FBXL17: variants seen among roughly 807,000 people sequenced by gnomAD.
FBXL17 encodes the protein F-box/LRR-repeat protein 17.
Under a neutral mutation model 66.2 loss-of-function variants are expected in FBXL17, and 22 were observed. That is an observed-to-expected ratio of 0.33 (90% CI 0.24 to 0.47). The LOEUF (loss-of-function observed/expected upper bound fraction) is 0.47. Ranked by LOEUF, FBXL17 falls within the 20% of genes least tolerant of loss-of-function variation. The pLI, the probability that FBXL17 is intolerant of heterozygous loss-of-function variation, is 1.00. For missense variants in FBXL17, 878 were observed against 948.2 expected, an observed-to-expected ratio of 0.93 and a Z score of 0.97; for synonymous variants, 474 against 400.5, an observed-to-expected ratio of 1.18 and a Z score of -2.19.
chr5:108,163,919 C>T (rs1032906258), intron 6 of FBXL17, among the ~76,000 whole-genome samples: 6 of 152,168 alleles, frequency 3.9e-5, no homozygotes, highest in East Asian at 1.9e-4. Context: ...GTTATCTTAA[C>T]GCAACATGCT....
intron 6 of FBXL17, among the ~76,000 whole-genome samples, chr5:108,160,239 T>G (rs1195136161): frequency 4.6e-5 from 7 of 152,180 alleles, no homozygotes; most frequent in Non-Finnish European, 1.0e-4. Context: ...AGGCTTTTAA[T>G]AGGGTAAGTG....
At chr5:108,276,135 C>A (rs533078780) in intron 4 of FBXL17, among the ~76,000 whole-genome samples, 2 of 152,258 alleles carry the variant, frequency 1.3e-5, no homozygotes, top group Admixed American at 1.3e-4. Flanking sequence ...AATTAATTAG[C>A]TGGATTTATT....
chr5:108,260,753 A>G (rs1423698581), intron 4 of FBXL17, among the ~76,000 whole-genome samples: 2 of 152,282 alleles, frequency 1.3e-5, no homozygotes, highest in South Asian at 2.1e-4. Flanking sequence ...GGCAATGGCC[A>G]CTAGATGGCA....
intron 7 of FBXL17, among the ~76,000 whole-genome samples, chr5:107,899,804 A>G (rs1413313074): frequency 6.6e-6 from 1 of 152,190 alleles, no homozygotes; most frequent in East Asian, 1.9e-4. Flanking sequence ...TTTAAAATTA[A>G]ATCCTGAGGA....
chr5:108,365,546 T>C (rs1013530262), intron 2 of FBXL17, among the ~76,000 whole-genome samples: 1 of 152,122 alleles, frequency 6.6e-6, no homozygotes, highest in Non-Finnish European at 1.5e-5. Flanking sequence ...CCCTGAGCTA[T>C]ATCTTTTATA....
chr5:108,242,315 A>G (rs1385121738), intron 4 of FBXL17, among the ~76,000 whole-genome samples: 1 of 152,016 alleles, frequency 6.6e-6, no homozygotes. Context: ...CCAAGCAGCT[A>G]GGACTAAAGG....
At chr5:108,053,410 A>G (rs1338891557) in intron 6 of FBXL17, among the ~76,000 whole-genome samples, 1 of 152,196 alleles carries the variant, frequency 6.6e-6, no homozygotes, top group Non-Finnish European at 1.5e-5. Context: ...TCTCAAAAGA[A>G]GACATTTACA....
At chr5:107,995,278 G>T (rs985822228) in intron 7 of FBXL17, among the ~76,000 whole-genome samples, 43 of 152,248 alleles carry the variant, frequency 2.8e-4, no homozygotes, top group African/African-American at 9.9e-4. Context: ...ATACAGAAAT[G>T]ATTCAATGTT....
intron 7 of FBXL17, among the ~76,000 whole-genome samples, chr5:107,970,097 T>C (rs1236595794): frequency 1.3e-5 from 2 of 152,216 alleles, no homozygotes; most frequent in Non-Finnish European, 2.9e-5. Context: ...TTGTATCATC[T>C]GGTGTGTGTT....
chr5:108,175,542 C>G (rs926758213), intron 6 of FBXL17, among the ~76,000 whole-genome samples: 4 of 152,128 alleles, frequency 2.6e-5, no homozygotes, highest in Non-Finnish European at 5.9e-5. Flanking sequence ...TAATTGTATA[C>G]TGTCTTAAAT....
chr5:107,937,789 G>A (rs1750962946), intron 7 of FBXL17, among the ~76,000 whole-genome samples: 1 of 152,050 alleles, frequency 6.6e-6, no homozygotes, highest in Non-Finnish European at 1.5e-5. Context: ...CCTCTCACTG[G>A]CAATATTGAG....
At chr5:108,371,941 C>T (rs1749066499) in intron 1 of FBXL17, among the ~76,000 whole-genome samples, 1 of 152,122 alleles carries the variant, frequency 6.6e-6, no homozygotes, top group Admixed American at 6.5e-5. Context: ...CAAATTTTTA[C>T]ACATCCCATC....
chr5:108,151,192 C>T (rs1249480142), intron 6 of FBXL17, among the ~76,000 whole-genome samples: 1 of 152,014 alleles, frequency 6.6e-6, no homozygotes, highest in South Asian at 2.1e-4. Context: ...TTCCAAAATA[C>T]TTGCTTCACG....
At chr5:108,019,133 A>G (rs1754491845) in intron 7 of FBXL17, among the ~76,000 whole-genome samples, 1 of 152,152 alleles carries the variant, frequency 6.6e-6, no homozygotes, top group Non-Finnish European at 1.5e-5. Flanking sequence ...AGCAGTGTAC[A>G]CTGTGCTACT....
intron 6 of FBXL17, among the ~76,000 whole-genome samples, chr5:108,098,731 C>T (rs1442283302): frequency 1.6e-5 from 2 of 126,414 alleles, no homozygotes; most frequent in Non-Finnish European, 3.1e-5. Flanking sequence ...GGCAACAGAG[C>T]GACACTCTGT....
Position 108,188,558 on chromosome 5 carries a change from G to A in FBXL17, c.1615-2311C>T, listed in dbSNP as rs185364263. On this transcript the variant is annotated intron_variant, in intron 5 of 8. Transcript: ENST00000542267. ...TTCCTATTCAATAACCACAGGTTAA[G>A]GGTTTTAGCAACATCAGAACATAAC... Among the ~76,000 whole-genome samples, 60 of 152,284 alleles carry A rather than the reference G, an allele frequency of 3.9e-4. 1 individual carries two copies. Among genetic ancestry groups the A allele is most frequent in the Middle Eastern group, 3.4e-3 (1 of 292 alleles).
intron 3 of FBXL17, among the ~76,000 whole-genome samples, chr5:108,350,717 C>T (rs1747590558): frequency 6.6e-6 from 1 of 152,164 alleles, no homozygotes; most frequent in African/African-American, 2.4e-5. Flanking sequence ...ACCCAGAATT[C>T]TGTACTCGGG....
intron 3 of FBXL17, among the ~76,000 whole-genome samples, chr5:108,356,321 T>C (rs1747984219): frequency 6.6e-6 from 1 of 152,276 alleles, no homozygotes; most frequent in East Asian, 1.9e-4. Context: ...AGCAATCATG[T>C]ACCTTGGTTT....
At chr5:107,903,387 A>T (rs1159095324) in intron 7 of FBXL17, among the ~76,000 whole-genome samples, 1 of 152,204 alleles carries the variant, frequency 6.6e-6, no homozygotes, top group Non-Finnish European at 1.5e-5. Context: ...ACAGTATCTC[A>T]TCCTCACTAT....
Sources: allele counts gnomAD v4.1 joint callset (sites outside exome capture counted in the v4.1 genomes callset), GRCh38; gene constraint gnomAD v4.1.1; transcripts MANE v1.5; gene names NCBI Gene and HGNC (gene_info 2026-07-23, HGNC 2026-07-21).